Variants in NELL1 observed in about 807,000 individuals in gnomAD.
The protein encoded by NELL1 is protein kinase C-binding protein NELL1.
Under a neutral mutation model 107.4 loss-of-function variants are expected in NELL1, and 76 were observed. The ratio of observed to expected loss-of-function variants is 0.71; its 90% CI spans 0.59 to 0.86. NELL1 has a LOEUF of 0.86. Ranked by LOEUF, NELL1 falls within the 40% of genes least tolerant of loss-of-function variation. The probability of loss-of-function intolerance (pLI) is 0.00; values close to 1 mark genes in which losing one functional copy is unlikely to be tolerated. For missense variants in NELL1, 1,024 were observed against 1,005.5 expected (o/e 1.02, Z -0.25); for synonymous variants, 353 against 341.2 (o/e 1.03, Z -0.38).
chr11:21,418,027 A>C (rs1358854035), intron 15 of NELL1, among the ~76,000 whole-genome samples: 4 of 152,104 alleles, frequency 2.6e-5, no homozygotes, highest in Non-Finnish European at 5.9e-5. Flanking sequence ...ATGAATCCTC[A>C]AAATAGTCCT....
chr11:21,270,727 T>G (rs1832426726), intron 14 of NELL1, among the ~76,000 whole-genome samples: 2 of 152,114 alleles, frequency 1.3e-5, no homozygotes, highest in Non-Finnish European at 2.9e-5. Flanking sequence ...CAACACACAT[T>G]CTTCTCAAGC....
intron 2 of NELL1, among the ~76,000 whole-genome samples, chr11:20,783,436 G>A (rs1051438313): frequency 6.6e-6 from 1 of 152,174 alleles, no homozygotes; most frequent in Non-Finnish European, 1.5e-5. Flanking sequence ...AGCATTTCCG[G>A]GATTTGCATT....
At chr11:20,691,495 G>T (rs998966693) in intron 2 of NELL1, among the ~76,000 whole-genome samples, 5 of 152,046 alleles carry the variant, frequency 3.3e-5, no homozygotes, top group African/African-American at 1.2e-4. Flanking sequence ...TAGCATGAAG[G>T]GTTGTTGAAT....
intron 2 of NELL1, among the ~76,000 whole-genome samples, chr11:20,781,626 T>C (rs946612800): frequency 2.6e-5 from 4 of 152,190 alleles, no homozygotes; most frequent in African/African-American, 9.6e-5. Context: ...TGATTTCTAA[T>C]TGATGAGTAA....
At chr11:20,852,362 AAAACT>A (rs1234003389) in intron 4 of NELL1, among the ~76,000 whole-genome samples, 1 of 152,222 alleles carries the variant, frequency 6.6e-6, no homozygotes, top group Admixed American at 6.5e-5. Flanking sequence ...TGCAGAATCC[AAAACT>A]AAACTTGCTA....
intron 12 of NELL1, among the ~76,000 whole-genome samples, chr11:21,078,416 T>A (rs1421639962): frequency 3.9e-5 from 6 of 152,030 alleles, no homozygotes; most frequent in Non-Finnish European, 7.4e-5. Context: ...CAGTTGCTCA[T>A]AGAAGAGAAT....
chr11:21,039,743 A>G (rs568875544), intron 12 of NELL1, among the ~76,000 whole-genome samples: 5 of 152,314 alleles, frequency 3.3e-5, no homozygotes, highest in Non-Finnish European at 7.3e-5. Context: ...TTAGGAACTA[A>G]CAGAGAGAAA....
chr11:20,829,223 A>AT (rs758970966), intron 3 of NELL1, among the ~76,000 whole-genome samples: 12,841 of 118,834 alleles, frequency 0.11, 1,124 homozygotes, highest in African/African-American at 0.21. Flanking sequence ...CTGCAGGACT[A>AT]TTTTTTTTTT....
intron 15 of NELL1, among the ~76,000 whole-genome samples, chr11:21,523,930 T>G (rs983905477): frequency 6.6e-6 from 1 of 152,168 alleles, no homozygotes; most frequent in Non-Finnish European, 1.5e-5. Context: ...CATACGTATA[T>G]GTATATGTAT....
chr11:21,221,574 G>T (rs1485886219), intron 13 of NELL1, among the ~76,000 whole-genome samples: 1 of 152,092 alleles, frequency 6.6e-6, no homozygotes, highest in East Asian at 1.9e-4. Flanking sequence ...TTATTGGTCT[G>T]TCCAGTTTTC....
Position 21,374,348 on chromosome 11 carries a change from A to G in NELL1, c.1645+3400A>G, listed in dbSNP as rs142896685. 3.8e-3 allele frequency among the ~76,000 whole-genome samples: 572 copies of G among 152,116 alleles called. 2 individuals carry two copies. Among genetic ancestry groups the G allele is most frequent in the African/African-American group, 0.013 (520 of 41,520 alleles). ...GAAGGTTGGGGAGTCTGTTTCCAAG[A>G]TGGCTCACTCATGTGGCGATTGGCA... On this transcript the variant is annotated intron_variant, in intron 15 of 19. Transcript: ENST00000357134.
intron 15 of NELL1, among the ~76,000 whole-genome samples, chr11:21,401,326 G>T (rs1852092503): frequency 6.6e-6 from 1 of 151,776 alleles, no homozygotes; most frequent in Admixed American, 6.6e-5. Context: ...GTAAGAAACA[G>T]ATAATTAAAA....
chr11:21,395,185 A>G (rs1447527762), intron 15 of NELL1, among the ~76,000 whole-genome samples: 1 of 151,552 alleles, frequency 6.6e-6, no homozygotes, highest in African/African-American at 2.4e-5. Context: ...GGAAGGAGAA[A>G]TCTAGAAGAT....
At chr11:20,709,278 C>T (rs937844219) in intron 2 of NELL1, among the ~76,000 whole-genome samples, 3 of 151,990 alleles carry the variant, frequency 2.0e-5, no homozygotes, top group African/African-American at 7.3e-5. Context: ...TATCCCAGCA[C>T]CATTTGTTTA....
At chr11:21,431,692 G>T (rs781027956) in intron 15 of NELL1, among the ~76,000 whole-genome samples, 1 of 152,204 alleles carries the variant, frequency 6.6e-6, no homozygotes, top group African/African-American at 2.4e-5. Context: ...GTCTCCGTTT[G>T]TGTTGGCCCC....
chr11:20,960,664 A>G (rs1851271834), intron 12 of NELL1, 104 bp downstream of exon 12: 47 of 1,254,036 alleles, frequency 3.7e-5, no homozygotes, highest in Non-Finnish European at 5.1e-5. Flanking sequence ...CTGTGGTCCT[A>G]TGCAATCCTA....
In NELL1 at chr11:21,263,258, C is replaced by T. The variant is rs140698949; in HGVS notation, c.1549+33804C>T. ...AGAAGCCTCCCTCAAATGTTTAACC[C>T]GGCTTTCCACTCATACTTAAGAGCT... On this transcript the variant is annotated intron_variant, in intron 14 of 19. Coordinates refer to ENST00000357134, the MANE Select transcript of NELL1 (RefSeq NM_006157.5). Among the ~76,000 whole-genome samples the T allele has an allele frequency of 2.8e-3, 424 of 151,922 alleles. 1 individual carries two copies. The highest frequency in any genetic ancestry group is 4.4e-3 in the Non-Finnish European group (302 of 67,892).
At chr11:20,700,421 G>A (rs1255274346) in intron 2 of NELL1, among the ~76,000 whole-genome samples, 3 of 152,106 alleles carry the variant, frequency 2.0e-5, no homozygotes, top group Non-Finnish European at 4.4e-5. Flanking sequence ...AGAGGTTGCA[G>A]TGATCCAAGG....
intron 14 of NELL1, among the ~76,000 whole-genome samples, chr11:21,345,260 G>A (rs1284448225): frequency 1.3e-5 from 2 of 152,318 alleles, no homozygotes; most frequent in East Asian, 1.9e-4. Flanking sequence ...ACACCATTAA[G>A]TCCAATCCCT....
Sources: gnomAD v4.1 joint callset for allele counts (sites outside exome capture counted in the v4.1 genomes callset) on GRCh38, gnomAD v4.1.1 for gene constraint, MANE v1.5 for transcripts, NCBI Gene and HGNC (gene_info 2026-07-23, HGNC 2026-07-21) for gene names.